The following PEMT variants were observed in gnomAD, a reference collection of about 807,000 sequenced individuals.
The protein encoded by PEMT is phosphatidylethanolamine N-methyltransferase.
PEMT carries 23 observed loss-of-function variants against 27.4 expected under a neutral mutation model. That is an observed-to-expected ratio of 0.84 (90% CI 0.60 to 1.19). The LOEUF is 1.19. PEMT is among the 50% of genes most tolerant of loss of function. The probability of loss-of-function intolerance (pLI) is 0.00; values close to 1 mark genes in which losing one functional copy is unlikely to be tolerated. For synonymous variants in PEMT, 137 were observed against 139.1 expected (o/e 0.98, Z 0.11); for missense variants, 307 against 310.1 (o/e 0.99, Z 0.07).
At chr17:17,542,832 C>T (rs1372137799) in intron 2 of PEMT, among the ~76,000 whole-genome samples, 2 of 152,200 alleles carry the variant, frequency 1.3e-5, no homozygotes, top group Non-Finnish European at 2.9e-5. Context: ...TCCTTTGCAC[C>T]GTTCGGCCAC....
At chr17:17,506,070 T>C (rs1050312827) in intron 6 of PEMT, among the ~76,000 whole-genome samples, 157 bp downstream of exon 6, 16 of 152,106 alleles carry the variant, frequency 1.1e-4, no homozygotes, top group Non-Finnish European at 1.8e-4. Flanking sequence ...CAGGCCGCAT[T>C]GTAAGCTACC....
At chr17:17,575,844 T>C (rs369648025) in intron 2 of PEMT, among the ~76,000 whole-genome samples, 1 of 152,164 alleles carries the variant, frequency 6.6e-6, no homozygotes, top group African/African-American at 2.4e-5. Context: ...GAATGCACTG[T>C]CTTTGACATG....
At chr17:17,559,800 G>A (rs886290201) in intron 2 of PEMT, among the ~76,000 whole-genome samples, 1 of 152,228 alleles carries the variant, frequency 6.6e-6, no homozygotes, top group Non-Finnish European at 1.5e-5. Flanking sequence ...CCCAGTTTCT[G>A]AGTGGGGAAC....
Position 17,506,263 on chromosome 17 carries a change from A to G in PEMT, c.617T>C (p.Val206Ala). 1 of 1,585,714 alleles carries G rather than the reference A, an allele frequency of 6.3e-7. No homozygotes were observed. Residue 206 changes from valine to alanine, a missense_variant, in exon 6 of 7, where the codon GTG (valine) becomes GCG (alanine). Physicochemically the swap from Val to Ala is moderately conservative, Grantham distance 64 (BLOSUM62 0). Coordinates refer to ENST00000255389, the MANE Select transcript of PEMT (RefSeq NM_148172.3). Reference sequence around the variant, plus strand: ...GAGAGCCACTATGTAGGTGAGGGCCACCAGCACCGTCAGGAGCAGGCCCGT... The same window carrying G: ...GAGAGCCACTATGTAGGTGAGGGCCGCCAGCACCGTCAGGAGCAGGCCCGT... The part of the protein sequence containing the change: ...SPTGLLLTVL[V>A]ALTYIVALLY...
intron 2 of PEMT, among the ~76,000 whole-genome samples, chr17:17,565,976 C>T (rs1052366960): frequency 2.0e-5 from 3 of 152,220 alleles, no homozygotes; most frequent in Admixed American, 2.0e-4. Flanking sequence ...CCCTTTTACA[C>T]CCATTCCCTC....
In PEMT at chr17:17,523,234, T is replaced by C. The variant is rs1324058034; in HGVS notation, c.205-839A>G. The stretch of plus-strand genomic sequence containing the variant: ...GCTCTAGGTATGTGAGCAAGTTGTC[T>C]GTGGGCCCAGAGTAGGCGCCTGTGT... On this transcript the variant is annotated intron_variant, in intron 2 of 6. Transcript: ENST00000255389. The surrounding 1 kb of genome is among the most constrained non-coding windows in gnomAD (Gnocchi z 4.8). Among the ~76,000 whole-genome samples, 1 of 152,172 alleles carries C rather than the reference T, an allele frequency of 6.6e-6. No individual in the cohort carries two copies. The highest frequency in any genetic ancestry group is 6.5e-5 in the Admixed American group (1 of 15,288).
In PEMT at chr17:17,512,445, G is replaced by T; in HGVS notation, c.466+64C>A. ...CGGATAGCAGGGCAGCAGCCACCTG[G>T]CCCTGCACCTCCCTGGGGCTCCAGC... On this transcript the variant is annotated intron_variant, in intron 4 of 6. Coordinates refer to ENST00000255389, the MANE Select transcript of PEMT (RefSeq NM_148172.3). This position sits in a 1 kb window ranked among gnomAD's most constrained non-coding sequence, Gnocchi z 6.3. 7.1e-7 allele frequency: 1 copy of T among 1,400,052 alleles called. No homozygotes were observed. Among genetic ancestry groups the T allele is most frequent in the Non-Finnish European group, 9.4e-7 (1 of 1,058,554 alleles). 86.7% of individuals were successfully genotyped at this position (1,400,052 alleles called of 1,614,324 possible). A position where few individuals can be genotyped will look rare whatever the true frequency, so the allele number is the denominator to read the frequency against.
chr17:17,542,224 A>G (rs77148834), intron 2 of PEMT, among the ~76,000 whole-genome samples: 73,854 of 151,754 alleles, frequency 0.49, 18,246 homozygotes, highest in Non-Finnish European at 0.54. Flanking sequence ...CAGGTGATCT[A>G]CCCGCCTCAG....
rs183396850 is a variant in PEMT, at chr17:17,509,133, C to T, written c.578+301G>A. Among the ~76,000 whole-genome samples the T allele has an allele frequency of 1.5e-3, 224 of 152,408 alleles. 1 individual carries two copies. The highest frequency in any genetic ancestry group is 5.2e-3 in the African/African-American group (216 of 41,600). ...CCAAAGACGCGCATCCATTTTCCTG[C>T]GTCTGCAGCTGTTTTGTGTGGCAGG... On this transcript the variant is annotated intron_variant, in intron 5 of 6. Coordinates refer to ENST00000255389, the MANE Select transcript of PEMT (RefSeq NM_148172.3).
In PEMT at chr17:17,554,377, C is replaced by T. The variant is rs574605654; in HGVS notation, c.204+22543G>A. On this transcript the variant is annotated intron_variant, in intron 2 of 6. Transcript: ENST00000255389. ...CATGTCCTACTCTAGAGAGAGCTGT[C>T]GTGGCCCCAAAGGCATGAACGTGGC... Among the ~76,000 whole-genome samples the T allele has an allele frequency of 3.9e-5, 6 of 152,246 alleles. No individual in the cohort carries two copies. In the East Asian group the frequency reaches 7.7e-4, roughly 20 times the overall value.
At chr17:17,537,062 C>T (rs1426043776) in intron 2 of PEMT, among the ~76,000 whole-genome samples, 3 of 152,220 alleles carry the variant, frequency 2.0e-5, no homozygotes, top group Admixed American at 1.3e-4. Context: ...GCTCCACTGA[C>T]GGGTCCCACT....
At chr17:17,511,406 G>T (rs1467870802) in intron 4 of PEMT, among the ~76,000 whole-genome samples, 1 of 152,254 alleles carries the variant, frequency 6.6e-6, no homozygotes, top group Non-Finnish European at 1.5e-5. Flanking sequence ...TGCACCCACA[G>T]ATGCCACTTC....
intron 2 of PEMT, among the ~76,000 whole-genome samples, chr17:17,560,121 G>A (rs1910367929): frequency 6.6e-6 from 1 of 152,248 alleles, no homozygotes; most frequent in South Asian, 2.1e-4. Context: ...CCCATGTGCT[G>A]TACACTGTGC....
chr17:17,575,860 G>C (rs1340634653), intron 2 of PEMT, among the ~76,000 whole-genome samples: 1 of 152,186 alleles, frequency 6.6e-6, no homozygotes, highest in Non-Finnish European at 1.5e-5. Context: ...ACATGAGCAG[G>C]CTGGCCCCCA....
chr17:17,547,167 A>C (rs527403713), intron 2 of PEMT, among the ~76,000 whole-genome samples: 1 of 152,382 alleles, frequency 6.6e-6, no homozygotes, highest in Non-Finnish European at 1.5e-5. Flanking sequence ...CCGAGGTGCT[A>C]TTTCTCACCT....
At position 17,582,586 on chromosome 17, in the gene PEMT, T is replaced by A. The variant is rs759333198; in HGVS notation, c.97-5559A>T. ...CTGCTGGAGAGGGGACAGGTCCTCCTGGGATCCATCACCCCTGCAGAATCT... is the reference window on the plus strand; with the variant it reads ...CTGCTGGAGAGGGGACAGGTCCTCCAGGGATCCATCACCCCTGCAGAATCT... On this transcript the variant is annotated intron_variant, in intron 1 of 6. Transcript: ENST00000255389. The surrounding 1 kb of genome is among the most constrained non-coding windows in gnomAD (Gnocchi z 4.9). 3.3e-5 allele frequency among the ~76,000 whole-genome samples: 5 copies of A among 152,188 alleles called. No individual in the cohort carries two copies. Among genetic ancestry groups the A allele is most frequent in the Admixed American group, 6.5e-5 (1 of 15,276 alleles).
intron 2 of PEMT, among the ~76,000 whole-genome samples, chr17:17,559,272 C>T (rs1350836129): frequency 1.3e-5 from 2 of 152,238 alleles, no homozygotes; most frequent in African/African-American, 4.8e-5. Flanking sequence ...TCTGAAGGAA[C>T]ACTACGTTAG....
At chr17:17,580,287 G>A (rs1245171162) in intron 1 of PEMT, among the ~76,000 whole-genome samples, 2 of 152,088 alleles carry the variant, frequency 1.3e-5, no homozygotes. Flanking sequence ...GACCAGCCTG[G>A]CCAATGTGGT....
chr17:17,521,859 G>A (rs1907291944), intron 3 of PEMT, among the ~76,000 whole-genome samples: 1 of 152,218 alleles, frequency 6.6e-6, no homozygotes, highest in African/African-American at 2.4e-5. Flanking sequence ...GAGCCACCAC[G>A]CCCGGCCTCA....
Sources: gnomAD v4.1 joint callset for allele counts (sites outside exome capture counted in the v4.1 genomes callset) on GRCh38, gnomAD v4.1.1 for gene constraint, Gnocchi (gnomAD v3.1) non-coding constraint, MANE v1.5 for transcripts, NCBI Gene and HGNC (gene_info 2026-07-23, HGNC 2026-07-21) for gene names.